Variants in LRCH2 observed in about 807,000 individuals in gnomAD.
LRCH2 encodes the protein leucine rich repeats and calponin homology domain containing 2.
LRCH2 carries 38 observed loss-of-function variants against 68.9 expected under a neutral mutation model. That is an observed-to-expected ratio of 0.55 (90% CI 0.43 to 0.72). LRCH2 has a LOEUF of 0.72. Ranked by LOEUF, LRCH2 falls within the 30% of genes least tolerant of loss-of-function variation. LRCH2 has a pLI of 0.00. For missense variants in LRCH2, 528 were observed against 572.9 expected, an observed-to-expected ratio of 0.92 and a Z score of 0.80; for synonymous variants, 191 against 208.1, an observed-to-expected ratio of 0.92 and a Z score of 0.71.
At chrX:115,138,566 T>G (rs782303400) in intron 14 of LRCH2, among the ~76,000 whole-genome samples, 18 of 111,363 alleles carry the variant, frequency 1.6e-4, no homozygotes, top group African/African-American at 4.9e-4. Flanking sequence ...TTCTTCCCTA[T>G]AACAGAGGTT....
chrX:115,177,748 A>G (rs1438411093), intron 5 of LRCH2, among the ~76,000 whole-genome samples: 2 of 110,455 alleles, frequency 1.8e-5, no homozygotes, highest in Admixed American at 9.6e-5. Flanking sequence ...CTAGGTTTTC[A>G]ACCCCGCATG....
chrX:115,209,082 A>T (rs1367159936), intron 1 of LRCH2, among the ~76,000 whole-genome samples: 2 of 112,547 alleles, frequency 1.8e-5, no homozygotes, highest in South Asian at 3.7e-4. Context: ...TGGAGAAATA[A>T]CTTGAAATCA....
At chrX:115,210,729 T>C (rs781828812) in intron 1 of LRCH2, among the ~76,000 whole-genome samples, 1 of 111,263 alleles carries the variant, frequency 9.0e-6, no homozygotes, top group African/African-American at 3.3e-5. Context: ...TGCCAGCTTA[T>C]GAAAGCAGCC....
At chrX:115,191,142 C>G in intron 1 of LRCH2, 2 of 1,165,323 alleles carry the variant, frequency 1.7e-6, no homozygotes, top group Non-Finnish European at 2.3e-6. Context: ...GTGGGGGCTG[C>G]TCTGCCGACG....
At chrX:115,151,173 T>A (rs986237432) in intron 12 of LRCH2, among the ~76,000 whole-genome samples, 20 of 111,755 alleles carry the variant, frequency 1.8e-4, no homozygotes, top group African/African-American at 6.5e-4. Context: ...GAATGGATGA[T>A]CACGAAGAGA....
chrX:115,222,893 G>GA (rs1179626663), intron 1 of LRCH2, among the ~76,000 whole-genome samples: 2 of 111,366 alleles, frequency 1.8e-5, no homozygotes, highest in Non-Finnish European at 3.8e-5. Flanking sequence ...CAAAAATCTT[G>GA]AAAAAAATGT....
chrX:115,156,589 G>A lies in LRCH2; in HGVS notation c.1529+13C>T, dbSNP rs1056006185. 20 of 1,095,179 alleles carry A rather than the reference G, an allele frequency of 1.8e-5. No homozygotes were observed. The highest frequency in any genetic ancestry group is 7.5e-5 in the African/African-American group (4 of 53,253). 90.3% of individuals were successfully genotyped at this position (1,095,179 alleles called of 1,213,427 possible). A position where few individuals can be genotyped will look rare whatever the true frequency, so the allele number is the denominator to read the frequency against. On this transcript the variant is annotated intron_variant, in intron 12 of 20. Transcript: ENST00000317135. ...ATAAAATATTAAATGTAAAAACTAA[G>A]ATATTTTTATACCTCTTTTCACATT... is the stretch of plus-strand genomic sequence containing the variant.
chrX:115,189,830 G>C (rs1556556472), intron 1 of LRCH2: 2 of 1,167,220 alleles, frequency 1.7e-6, no homozygotes, highest in East Asian at 3.3e-5. Flanking sequence ...CCTGATGACG[G>C]CCGCGGCTAC....
chrX:115,181,994 C>T (rs1413961272), intron 3 of LRCH2, among the ~76,000 whole-genome samples: 1 of 111,040 alleles, frequency 9.0e-6, no homozygotes, highest in Non-Finnish European at 1.9e-5. Context: ...ACTACTCACA[C>T]AGCATTTACA....
Position 115,126,878 on chromosome X carries a change from C to A in LRCH2, c.1756G>T (p.Ala586Ser). Residue 586 changes from alanine to serine, a missense_variant, in exon 16 of 21, where the codon GCT becomes TCT. Coordinates refer to ENST00000317135, the MANE Select transcript of LRCH2 (RefSeq NM_020871.4). ...NENDEQDSDN[A>S]NMSTQSPVSS... The stretch of plus-strand genomic sequence containing the variant: ...ACTGGAGATTGTGTTGACATATTAG[C>A]ATTATCACTGTCTTGCTAAAACATA... The A allele has an allele frequency of 8.5e-6, 9 of 1,062,826 alleles. No homozygotes were observed. Among genetic ancestry groups the A allele is most frequent in the Non-Finnish European group, 1.1e-5 (9 of 808,781 alleles). The allele number at this position is 1,062,826 out of a possible 1,213,427, so 87.6% of individuals were successfully genotyped here. A position where few individuals can be genotyped will look rare whatever the true frequency, so the allele number is the denominator to read the frequency against.
intron 16 of LRCH2, among the ~76,000 whole-genome samples, chrX:115,124,386 C>G (rs1428536944): frequency 1.8e-5 from 2 of 112,082 alleles, no homozygotes; most frequent in Non-Finnish European, 3.8e-5. Flanking sequence ...GACTTAACAC[C>G]TAACAGTAGA....
intron 5 of LRCH2, among the ~76,000 whole-genome samples, chrX:115,179,013 C>T (rs2072672001): frequency 8.9e-6 from 1 of 112,089 alleles, no homozygotes; most frequent in Non-Finnish European, 1.9e-5. Flanking sequence ...TTAATCCTCA[C>T]TAAACTAAAA....
At chrX:115,125,356 G>A (rs1250358685) in intron 16 of LRCH2, among the ~76,000 whole-genome samples, 1 of 97,084 alleles carries the variant, frequency 1.0e-5, no homozygotes, top group African/African-American at 3.7e-5. Flanking sequence ...GCAGTGACCT[G>A]AGATCGTGCC....
At chrX:115,162,395 A>G (rs1556542274) in intron 11 of LRCH2, among the ~76,000 whole-genome samples, 1 of 111,829 alleles carries the variant, frequency 8.9e-6, no homozygotes, top group Non-Finnish European at 1.9e-5. Context: ...TTGGAGGGGG[A>G]AAAACAAACA....
chrX:115,132,631 T>C (rs1419175294), intron 14 of LRCH2, among the ~76,000 whole-genome samples: 1 of 111,981 alleles, frequency 8.9e-6, no homozygotes, highest in Non-Finnish European at 1.9e-5. Context: ...GTCTCTCCTA[T>C]GGCAACTATC....
intron 1 of LRCH2, chrX:115,190,940 G>T (rs782095744): frequency 8.7e-7 from 1 of 1,154,997 alleles, no homozygotes; most frequent in South Asian, 1.9e-5. Context: ...AATTCCAGCT[G>T]GAGCGACCGC....
intron 14 of LRCH2, among the ~76,000 whole-genome samples, chrX:115,132,579 T>A (rs2072255534): frequency 8.9e-6 from 1 of 111,917 alleles, no homozygotes; most frequent in Non-Finnish European, 1.9e-5. Context: ...GGAAGTGAGC[T>A]ATATTAGGGA....
chrX:115,129,322 G>C (rs1229661570), intron 15 of LRCH2, among the ~76,000 whole-genome samples: 7 of 111,348 alleles, frequency 6.3e-5, no homozygotes, highest in Non-Finnish European at 1.3e-4. Flanking sequence ...TGGAAAGCTT[G>C]GGCAGGTGTA....
chrX:115,175,715 C>A (rs931176097), intron 5 of LRCH2, among the ~76,000 whole-genome samples: 1 of 111,823 alleles, frequency 8.9e-6, no homozygotes, highest in African/African-American at 3.3e-5. Context: ...CAGCCGTGAC[C>A]CTTATGATGG....
Sources: gnomAD v4.1 joint callset for allele counts (sites outside exome capture counted in the v4.1 genomes callset) on GRCh38, gnomAD v4.1.1 for gene constraint, MANE v1.5 for transcripts, NCBI Gene and HGNC (gene_info 2026-07-23, HGNC 2026-07-21) for gene names.